The following PPIP5K2 variants were observed in gnomAD, a reference collection of about 807,000 sequenced individuals.
PPIP5K2 encodes the protein inositol hexakisphosphate and diphosphoinositol-pentakisphosphate kinase 2.
In PPIP5K2, 105 loss-of-function variants were observed where a neutral mutation model predicts 154.6. That is an observed-to-expected ratio of 0.68 (90% CI 0.58 to 0.80). The LOEUF is 0.80. PPIP5K2 is among the 30% of genes least tolerant of loss of function. PPIP5K2 has a pLI of 0.00. For synonymous variants in PPIP5K2, 480 were observed against 490.3 expected (o/e 0.98, Z 0.28); for missense variants, 992 against 1,504.6 (o/e 0.66, Z 5.64).
At chr5:103,193,156 G>C (rs1281856395) in intron 29 of PPIP5K2, among the ~76,000 whole-genome samples, 1 of 152,042 alleles carries the variant, frequency 6.6e-6, no homozygotes, top group Non-Finnish European at 1.5e-5. Context: ...TAGTGGTCAA[G>C]CAAGACTAAA....
intron 11 of PPIP5K2, among the ~76,000 whole-genome samples, 189 bp downstream of exon 11, chr5:103,154,123 T>C (rs989871459): frequency 1.3e-4 from 19 of 151,974 alleles, no homozygotes; most frequent in African/African-American, 4.3e-4. Flanking sequence ...AAAATTATTG[T>C]GGCAATATTC....
intron 2 of PPIP5K2, among the ~76,000 whole-genome samples, chr5:103,132,977 A>C (rs1355665555): frequency 6.6e-6 from 1 of 152,226 alleles, no homozygotes; most frequent in South Asian, 2.1e-4. Context: ...ATTTTCTTCC[A>C]AGTTGTCATC....
intron 19 of PPIP5K2, among the ~76,000 whole-genome samples, chr5:103,169,600 T>G (rs549655742): frequency 6.6e-6 from 1 of 151,836 alleles, no homozygotes; most frequent in Non-Finnish European, 1.5e-5. Flanking sequence ...TGATCAGATA[T>G]ATAATATAGA....
intron 30 of PPIP5K2, among the ~76,000 whole-genome samples, chr5:103,197,942 C>G (rs185734969): frequency 6.6e-6 from 1 of 151,822 alleles, no homozygotes; most frequent in African/African-American, 2.4e-5. Flanking sequence ...AAATTATTTT[C>G]TACATCCTAC....
At chr5:103,198,828 T>A (rs1554229369) in intron 30 of PPIP5K2, among the ~76,000 whole-genome samples, 1 of 152,158 alleles carries the variant, frequency 6.6e-6, no homozygotes. Flanking sequence ...TTCTTATGTT[T>A]TCTGTTTATT....
chr5:103,137,672 T>G (rs1050202330), intron 4 of PPIP5K2, among the ~76,000 whole-genome samples: 1 of 152,204 alleles, frequency 6.6e-6, no homozygotes, highest in African/African-American at 2.4e-5. Flanking sequence ...ACCATTACAA[T>G]ATGAGATTTT....
At chr5:103,120,803 C>T in intron 1 of PPIP5K2, 4 of 276,350 alleles carry the variant, frequency 1.4e-5, no homozygotes, top group South Asian at 1.0e-4. Flanking sequence ...GTGCCTGGCT[C>T]CACTGAAGTG....
At chr5:103,125,529 A>G (rs1398683572) in intron 1 of PPIP5K2, among the ~76,000 whole-genome samples, 2 of 152,076 alleles carry the variant, frequency 1.3e-5, no homozygotes, top group African/African-American at 4.8e-5. Context: ...AAAAAAAGAA[A>G]GGCTTCCTTC....
chr5:103,196,345 T>C (rs1802089506), intron 30 of PPIP5K2, among the ~76,000 whole-genome samples: 1 of 152,160 alleles, frequency 6.6e-6, no homozygotes, highest in Non-Finnish European at 1.5e-5. Context: ...AGAGGCAATA[T>C]CTTAAACCAC....
At chr5:103,184,101 A>T (rs1188063783) in intron 25 of PPIP5K2, 6 of 152,292 alleles carry the variant, frequency 3.9e-5, no homozygotes, top group African/African-American at 1.4e-4. Context: ...AACTTAAAAT[A>T]TATATGATTT....
intron 17 of PPIP5K2, 123 bp from the exon 18 acceptor site, chr5:103,167,056 T>C (rs1323169593): frequency 3.4e-5 from 23 of 685,084 alleles, no homozygotes; most frequent in Non-Finnish European, 5.2e-5. Context: ...CTGTATTTTG[T>C]GGTCATTTTA....
At position 103,167,158 on chromosome 5, in the gene PPIP5K2, A is replaced by G. The variant is rs201730060; in HGVS notation, c.1921-21A>G. 301 of 1,494,680 alleles carry G rather than the reference A, an allele frequency of 2.0e-4. 2 individuals are homozygous for G. The highest frequency in any genetic ancestry group is 9.5e-4 in the Middle Eastern group (5 of 5,272). 92.6% of individuals were successfully genotyped at this position (1,494,680 alleles called of 1,614,324 possible). ...AATTAGGCATAACCAGATATAAAAT[A>G]TATACTTTACTCATTTGTAGCTTAC... is the stretch of plus-strand genomic sequence containing the variant. On this transcript the variant is annotated intron_variant, in intron 17 of 30. Transcript: ENST00000358359.
chr5:103,190,857 C>T lies in PPIP5K2; in HGVS notation c.3368C>T (p.Ser1123Phe), dbSNP rs781942250. The T allele has an allele frequency of 3.1e-6, 5 of 1,594,290 alleles. No homozygotes were observed. The Middle Eastern group carries it at 5.0e-4, about 159-fold the overall frequency. Residue 1123 changes from serine to phenylalanine, a missense_variant, in exon 29 of 31, where the codon TCC becomes TTC. This residue lies in a region of PPIP5K2 where 29 missense variants were observed against 56.4 expected (regional missense o/e 0.51). Transcript: ENST00000358359. The part of the protein sequence containing the change: ...RHPTNGFELY[S>F]MVPSICPLET... Reference sequence around the variant, plus strand: ...TCTCTTCTAGGCTTTGAATTGTATTCCATGGTGCCATCTATTTGTCCTCTA... The same window carrying T: ...TCTCTTCTAGGCTTTGAATTGTATTTCATGGTGCCATCTATTTGTCCTCTA...
rs79584376 is a variant in PPIP5K2 at position 103,195,645 on chromosome 5, A to G, written c.3619+620A>G. 2.3e-3 allele frequency among the ~76,000 whole-genome samples: 357 copies of G among 152,124 alleles called. 2 individuals are homozygous for G. The highest frequency in any genetic ancestry group is 8.4e-3 in the African/African-American group (350 of 41,510). ...CCCTATTACTATATTGTGATATTCT[A>G]TCCATTTATCTTATTCCTCTACTTT... On this transcript the variant is annotated intron_variant, in intron 30 of 30. Coordinates refer to ENST00000358359, the MANE Select transcript of PPIP5K2 (RefSeq NM_001276277.3).
At chr5:103,138,535 C>A in intron 5 of PPIP5K2, 66 bp downstream of exon 5, 7 of 946,872 alleles carry the variant, frequency 7.4e-6, no homozygotes, top group Admixed American at 4.6e-5. Context: ...CACATTCTTA[C>A]AATAATTAAC....
intron 24 of PPIP5K2, 117 bp from the exon 25 acceptor site, chr5:103,183,117 C>A: frequency 1.1e-6 from 1 of 917,992 alleles, no homozygotes; most frequent in Non-Finnish European, 1.4e-6. Flanking sequence ...TATGAACAAA[C>A]TGTATTTTTT....
chr5:103,170,062 C>T (rs1562461804), intron 19 of PPIP5K2, among the ~76,000 whole-genome samples: 1 of 151,398 alleles, frequency 6.6e-6, no homozygotes. Context: ...AAATATTTTA[C>T]AACTGGGAAT....
chr5:103,176,541 A>G (rs1798742692), intron 21 of PPIP5K2, among the ~76,000 whole-genome samples: 1 of 152,060 alleles, frequency 6.6e-6, no homozygotes, highest in South Asian at 2.1e-4. Context: ...AATTTTAAAA[A>G]GCATACAGTC....
At position 103,158,189 on chromosome 5, in the gene PPIP5K2, C is replaced by G; in HGVS notation, c.1491C>G (p.Asp497Glu). The change falls in exon 15 of 31, where the codon GAC becomes GAG. Residue 497 changes from aspartate (D) to glutamate (E), a missense_variant and splice_region_variant. Around this residue, in one of 9 missense-constraint regions of PPIP5K2, gnomAD observed 163 missense variants for 285.2 expected, o/e 0.57. Coordinates refer to ENST00000358359, the MANE Select transcript of PPIP5K2 (RefSeq NM_001276277.3). Reference protein sequence around the residue: ...GCPKTSSEEEDSRREEPSLLL... With the variant: ...GCPKTSSEEEESRREEPSLLL... Reference sequence around the variant, plus strand: ...TTTATTCATTCATATGTGTCATAGACAGCCGAAGAGAAGAACCATCTTTAC... The same window carrying G: ...TTTATTCATTCATATGTGTCATAGAGAGCCGAAGAGAAGAACCATCTTTAC... The G allele has an allele frequency of 6.2e-7, 1 of 1,612,506 alleles. No individual in the cohort carries two copies. The highest frequency in any genetic ancestry group is 2.2e-5 in the East Asian group (1 of 44,856).
Sources: gnomAD v4.1 joint callset for allele counts (sites outside exome capture counted in the v4.1 genomes callset) on GRCh38, gnomAD v4.1.1 for gene constraint, gnomAD v4.1.1 regional missense constraint, MANE v1.5 for transcripts, NCBI Gene and HGNC (gene_info 2026-07-23, HGNC 2026-07-21) for gene names.